FAM177B: variants seen among roughly 807,000 people sequenced by gnomAD.
FAM177B encodes the protein protein FAM177B.
FAM177B carries 16 observed loss-of-function variants against 16.1 expected under a neutral mutation model. The observed-to-expected ratio is 0.99, with a 90% CI of 0.67 to 1.51. The LOEUF (loss-of-function observed/expected upper bound fraction) is 1.51. Ranked by LOEUF, FAM177B falls within the 40% of genes most tolerant of loss-of-function variation. The pLI is 0.00. For synonymous variants in FAM177B, 56 were observed against 59.9 expected (o/e 0.93, Z 0.30); for missense variants, 178 against 183.7 (o/e 0.97, Z 0.18).
chr1:222,746,458 T>C, intron 2 of FAM177B, 73 bp from the exon 3 acceptor site: 1 of 784,366 alleles, frequency 1.3e-6, no homozygotes, highest in South Asian at 1.9e-5. Flanking sequence ...GTCTTTACTA[T>C]CCATTGAAAA....
At chr1:222,746,919 T>C in intron 3 of FAM177B, 96 bp from the exon 4 acceptor site, 1 of 981,346 alleles carries the variant, frequency 1.0e-6, no homozygotes, top group African/African-American at 1.6e-5. Flanking sequence ...AAATGGAACA[T>C]ATTATATAGA....
At position 222,750,526 on chromosome 1, in the gene FAM177B, A is replaced by G. The variant is rs1272833820; in HGVS notation, c.*468A>G. On this transcript the variant is annotated 3_prime_UTR_variant, in exon 6 of 6. Transcript: ENST00000445590. The stretch of plus-strand genomic sequence containing the variant: ...GATATAGTGTGTACTTCCAACAACC[A>G]TCCTGGCGTAGTTGGGGATTGTTTT... The G allele has an allele frequency of 1.0e-6, 1 of 985,764 alleles. No homozygotes were observed. Among genetic ancestry groups the G allele is most frequent in the Non-Finnish European group, 1.2e-6 (1 of 830,190 alleles). The allele number at this position is 985,764 out of a possible 1,614,324, so 61.1% of individuals were successfully genotyped here. A position where few individuals can be genotyped will look rare whatever the true frequency, so the allele number is the denominator to read the frequency against.
intron 4 of FAM177B, chr1:222,749,029 C>A (rs1658926398): frequency 4.2e-6 from 2 of 472,156 alleles, no homozygotes; most frequent in South Asian, 3.1e-5. Flanking sequence ...TCTGAGAAGT[C>A]TGTCTGGATG....
At chr1:222,742,889 A>G (rs897772556) in intron 2 of FAM177B, among the ~76,000 whole-genome samples, 1 of 152,098 alleles carries the variant, frequency 6.6e-6, no homozygotes, top group African/African-American at 2.4e-5. Flanking sequence ...CTTTTTGAAT[A>G]TATTAGTTTG....
intron 2 of FAM177B, among the ~76,000 whole-genome samples, chr1:222,745,354 G>A (rs1484128201): frequency 2.6e-5 from 4 of 152,182 alleles, no homozygotes; most frequent in African/African-American, 9.6e-5. Flanking sequence ...GCTCACATCT[G>A]TAATCTCAGC....
intron 2 of FAM177B, among the ~76,000 whole-genome samples, chr1:222,744,812 A>G (rs986753416): frequency 3.9e-5 from 6 of 152,188 alleles, no homozygotes; most frequent in Non-Finnish European, 7.3e-5. Flanking sequence ...CAATAAAATG[A>G]ACTAATTTTA....
chr1:222,750,432 AAAG>A lies in FAM177B; in HGVS notation c.*378_*380del. The A allele has an allele frequency of 9.9e-7, 1 of 1,007,206 alleles. No homozygotes were observed. Among genetic ancestry groups the A allele is most frequent in the Non-Finnish European group, 1.2e-6 (1 of 845,106 alleles). The allele number at this position is 1,007,206 out of a possible 1,614,324, so 62.4% of individuals were successfully genotyped here. On this transcript the variant is annotated 3_prime_UTR_variant, in exon 6 of 6. Coordinates refer to ENST00000445590, the MANE Select transcript of FAM177B (RefSeq NM_001394345.1). ...CTCTGTCATGGGACGAGGGTACAGT[AAAG>A]AAGCTCTATTCCTCAGAAGAAAATT...
chr1:222,741,886 T>TTCCCTCCC (rs1407384271), intron 2 of FAM177B, among the ~76,000 whole-genome samples: 2 of 110,478 alleles, frequency 1.8e-5, no homozygotes, highest in Non-Finnish European at 3.8e-5. Flanking sequence ...TCTTCCTTCC[T>TTCCCTCCC]TCCCTCCCTC....
chr1:222,746,000 A>G (rs1213142814), intron 2 of FAM177B, among the ~76,000 whole-genome samples: 1 of 152,212 alleles, frequency 6.6e-6, no homozygotes, highest in Non-Finnish European at 1.5e-5. Context: ...CCAAATGACT[A>G]ATGACATTCG....
In FAM177B at chr1:222,746,716, C is replaced by T. The variant is rs1658816113; in HGVS notation, c.171C>T (p.Asp57=). ...KEEQSTNSTL[D]PSKLSWGPYL... The stretch of plus-strand genomic sequence containing the variant: ...AGCAGAGCACAAATTCAACACTTGA[C>T]CCTGTAAGCTTAGTATATCAATATT... The change falls in exon 3 of 6, where the codon GAC becomes GAT. Residue 57 remains aspartate (D), a synonymous_variant. Transcript: ENST00000445590. The T allele has an allele frequency of 6.2e-7, 1 of 1,606,642 alleles. No individual in the cohort carries two copies. The highest frequency in any genetic ancestry group is 8.5e-7 in the Non-Finnish European group (1 of 1,175,564).
In FAM177B at chr1:222,747,036, T is replaced by TACCTACGATTTTGGGCAGGACG; in HGVS notation, c.198_219dup (p.Ile74ProfsTer17). On this transcript the variant is annotated frameshift_variant, in exon 4 of 6. Coordinates refer to ENST00000445590, the MANE Select transcript of FAM177B (RefSeq NM_001394345.1). LOFTEE classifies it high-confidence loss of function. ...TCAGTCTAAACTTTCCTGGGGGCCC[T>TACCTACGATTTTGGGCAGGACG]ACCTACGATTTTGGGCAGGACGAAT... 1.4e-6 allele frequency: 2 copies of TACCTACGATTTTGGGCAGGACG among 1,478,068 alleles called. No homozygotes were observed. Among genetic ancestry groups the TACCTACGATTTTGGGCAGGACG allele is most frequent in the Non-Finnish European group, 1.9e-6 (2 of 1,059,840 alleles). The allele number at this position is 1,478,068 out of a possible 1,614,324, so 91.6% of individuals were successfully genotyped here.
In FAM177B at chr1:222,750,555, A is replaced by G. The variant is rs1170489504; in HGVS notation, c.*497A>G. ...TGGCGTAGTTGGGGATTGTTTTACA[A>G]TAAGTAAACATTGCTAATAACTGTG... On this transcript the variant is annotated 3_prime_UTR_variant, in exon 6 of 6. Transcript: ENST00000445590. The G allele has an allele frequency of 1.0e-6, 1 of 982,922 alleles. No homozygotes were observed. Among genetic ancestry groups the G allele is most frequent in the Non-Finnish European group, 1.2e-6 (1 of 827,674 alleles). The allele number at this position is 982,922 out of a possible 1,614,324, so 60.9% of individuals were successfully genotyped here.
At position 222,750,106 on chromosome 1, in the gene FAM177B, G is replaced by A; in HGVS notation, c.*48G>A. Reference sequence around the variant, plus strand: ...TGGTGGCAGATCCTAGCTCATGATGGCAGCAAAGACTGCAGTTTCCCTGGA... The same window carrying A: ...TGGTGGCAGATCCTAGCTCATGATGACAGCAAAGACTGCAGTTTCCCTGGA... On this transcript the variant is annotated 3_prime_UTR_variant, in exon 6 of 6. Transcript: ENST00000445590. The A allele has an allele frequency of 6.3e-7, 1 of 1,591,836 alleles. No homozygotes were observed.
chr1:222,740,730 C>T (rs952879673), intron 2 of FAM177B, among the ~76,000 whole-genome samples: 6 of 152,226 alleles, frequency 3.9e-5, no homozygotes, highest in African/African-American at 9.6e-5. Flanking sequence ...GACAGAGTCT[C>T]GCTCTGTCAC....
intron 4 of FAM177B, chr1:222,748,977 C>T (rs1215235940): frequency 2.1e-6 from 1 of 471,014 alleles, no homozygotes; most frequent in South Asian, 1.6e-5. Flanking sequence ...GCCTGCAGGC[C>T]ACCTTGCTAC....
intron 2 of FAM177B, among the ~76,000 whole-genome samples, chr1:222,744,039 G>A (rs1020939521): frequency 4.6e-5 from 7 of 151,594 alleles, no homozygotes; most frequent in Admixed American, 2.6e-4. Flanking sequence ...TCTTTTTTCT[G>A]CTTCCTTAGT....
At chr1:222,745,691 G>A (rs1304022906) in intron 2 of FAM177B, among the ~76,000 whole-genome samples, 2 of 152,186 alleles carry the variant, frequency 1.3e-5, no homozygotes, top group African/African-American at 4.8e-5. Flanking sequence ...GAAGGCCAAG[G>A]TGGGTGGATT....
At chr1:222,748,510 T>C (rs1200297416) in intron 4 of FAM177B, among the ~76,000 whole-genome samples, 1 of 152,162 alleles carries the variant, frequency 6.6e-6, no homozygotes, top group African/African-American at 2.4e-5. Context: ...AGTGGAGGCA[T>C]AAAGATGCTA....
rs138344072 is a variant in FAM177B at position 222,746,007 on chromosome 1, T to C, written c.-15-524T>C. Among the ~76,000 whole-genome samples the C allele has an allele frequency of 1.6e-3, 246 of 152,312 alleles. 1 individual carries two copies. The highest frequency in any genetic ancestry group is 5.4e-3 in the African/African-American group (224 of 41,570). On this transcript the variant is annotated intron_variant, in intron 2 of 5. Transcript: ENST00000445590. ...TGCATTTCCCAAATGACTAATGACA[T>C]TCGTCATCTGTATATCTTTGGTAAA... is the stretch of plus-strand genomic sequence containing the variant.
Sources: allele counts gnomAD v4.1 joint callset (sites outside exome capture counted in the v4.1 genomes callset), GRCh38; gene constraint gnomAD v4.1.1; transcripts MANE v1.5; gene names NCBI Gene and HGNC (gene_info 2026-07-23, HGNC 2026-07-21).